Variants in MYOM1 observed in about 807,000 individuals in gnomAD.
MYOM1 encodes myomesin 1, also known as myomesin-1.
Under a neutral mutation model 205.3 loss-of-function variants are expected in MYOM1, and 164 were observed. The ratio of observed to expected loss-of-function variants is 0.80; its 90% CI spans 0.70 to 0.91. MYOM1 has a LOEUF of 0.91. Among genes scored for constraint, MYOM1 ranks in the 40% least tolerant of loss-of-function variants. The probability of loss-of-function intolerance (pLI) is 0.00; values close to 1 mark genes in which losing one functional copy is unlikely to be tolerated. For missense variants in MYOM1, 2,011 were observed against 2,127.3 expected, an observed-to-expected ratio of 0.95 and a Z score of 1.08; for synonymous variants, 772 against 789.4, an observed-to-expected ratio of 0.98 and a Z score of 0.37.
intron 23 of MYOM1, among the ~76,000 whole-genome samples, chr18:3,102,240 G>A (rs921417863): frequency 1.3e-5 from 2 of 151,842 alleles, no homozygotes; most frequent in African/African-American, 4.8e-5. Context: ...TCCTGACCTC[G>A]TGATCCACCT....
At chr18:3,172,241 A>G (rs2080568490) in intron 8 of MYOM1, among the ~76,000 whole-genome samples, 1 of 152,212 alleles carries the variant, frequency 6.6e-6, no homozygotes, top group South Asian at 2.1e-4. Context: ...TTAACCAAAT[A>G]TGTGAATATA....
At chr18:3,144,702 C>A (rs2080100239) in intron 13 of MYOM1, among the ~76,000 whole-genome samples, 1 of 151,892 alleles carries the variant, frequency 6.6e-6, no homozygotes, top group Non-Finnish European at 1.5e-5. Context: ...AAGTAGATTT[C>A]CAAGCAAAAA....
chr18:3,242,831 A>C, the MYOM1 span, among the ~76,000 whole-genome samples: 1 of 152,344 alleles, frequency 6.6e-6, no homozygotes, highest in African/African-American at 2.4e-5. Context: ...TTATCAGCAG[A>C]ATGAAAACAG....
intron 36 of MYOM1, among the ~76,000 whole-genome samples, chr18:3,074,843 C>T (rs1314452245): frequency 1.3e-5 from 2 of 152,112 alleles, no homozygotes; most frequent in Non-Finnish European, 2.9e-5. Context: ...CGGAGTCTTG[C>T]TCTGTTGCCC....
chr18:3,220,464 T>G (rs2081318801), upstream of MYOM1, among the ~76,000 whole-genome samples: 1 of 152,224 alleles, frequency 6.6e-6, no homozygotes, highest in Non-Finnish European at 1.5e-5. Context: ...TCAGGAAAAT[T>G]TACAAGGTTA....
At chr18:3,204,519 G>C (rs1026886390) in intron 2 of MYOM1, among the ~76,000 whole-genome samples, 1 of 151,856 alleles carries the variant, frequency 6.6e-6, no homozygotes, top group Non-Finnish European at 1.5e-5. Flanking sequence ...CTTTAACAAA[G>C]AAGTATAACA....
At position 3,154,949 on chromosome 18, in the gene MYOM1, A is replaced by T. The variant is rs1360672568; in HGVS notation, c.1641T>A (p.Asp547Glu). The change falls in exon 11 of 38, where the codon GAT becomes GAA. Residue 547 changes from aspartate to glutamate, a missense_variant and splice_region_variant. Asp to Glu is a conservative substitution (Grantham distance 45). Transcript: ENST00000356443. ...GGSPILGYFI[D>E]KCEVGTDSWS... is the part of the protein sequence containing the mutation. The stretch of plus-strand genomic sequence containing the variant: ...TTGATGTTAGCCTAAGCACTAACTT[A>T]TCAATAAAATATCCGAGAATAGGAC... 1 of 1,610,352 alleles carries T rather than the reference A, an allele frequency of 6.2e-7. No individual in the cohort carries two copies. Among genetic ancestry groups the T allele is most frequent in the South Asian group, 1.1e-5 (1 of 90,130 alleles).
At chr18:3,226,891 AG>A in the MYOM1 span, among the ~76,000 whole-genome samples, 1 of 152,250 alleles carries the variant, frequency 6.6e-6, no homozygotes, top group Non-Finnish European at 1.5e-5. This position sits in a 1 kb window ranked among gnomAD's most constrained non-coding sequence, Gnocchi z 4.6. Context: ...CAGTGTGGCC[AG>A]GGATCAGCTG....
chr18:3,117,469 A>T (rs1365582347), intron 20 of MYOM1, among the ~76,000 whole-genome samples: 1 of 50,064 alleles, frequency 2.0e-5, no homozygotes, highest in Non-Finnish European at 5.7e-5. Context: ...CCTCTTCCTT[A>T]AGACAATTAA....
chr18:3,073,162 C>T (rs905454236), intron 36 of MYOM1, among the ~76,000 whole-genome samples: 10 of 151,928 alleles, frequency 6.6e-5, no homozygotes, highest in Admixed American at 1.3e-4. Flanking sequence ...TCTTGTCTCC[C>T]GGTAGTTCTT....
intron 5 of MYOM1, among the ~76,000 whole-genome samples, chr18:3,183,681 AT>A (rs1455654862): frequency 6.6e-6 from 1 of 152,208 alleles, no homozygotes; most frequent in Non-Finnish European, 1.5e-5. Context: ...CAGGAAGGGC[AT>A]TCTCAATATT....
At position 3,087,609 on chromosome 18, in the gene MYOM1, C is replaced by T. The variant is rs544307071; in HGVS notation, c.4138-1458G>A. Among the ~76,000 whole-genome samples, 392 of 151,678 alleles carry T rather than the reference C, an allele frequency of 2.6e-3. 2 individuals carry two copies. Among genetic ancestry groups the T allele is most frequent in the African/African-American group, 9.1e-3 (377 of 41,310 alleles). ...GGTTCAAGTGATTCTCCTGCCTCAG[C>T]CTGCCAACTAGCTGGAACCACAGGT... On this transcript the variant is annotated intron_variant, in intron 29 of 37. Transcript: ENST00000356443.
At chr18:3,115,342 C>T (rs1023833888) in intron 21 of MYOM1, among the ~76,000 whole-genome samples, 11 of 152,204 alleles carry the variant, frequency 7.2e-5, no homozygotes, top group Non-Finnish European at 7.4e-5. Flanking sequence ...GGCTGTATCT[C>T]CTGGAGGATA....
intron 11 of MYOM1, among the ~76,000 whole-genome samples, chr18:3,153,408 C>A (rs540384054): frequency 6.6e-6 from 1 of 152,058 alleles, no homozygotes; most frequent in Non-Finnish European, 1.5e-5. Flanking sequence ...TTAATATATG[C>A]GAAGTGTTTA....
intron 22 of MYOM1, among the ~76,000 whole-genome samples, chr18:3,110,438 G>A (rs1362125152): frequency 6.6e-6 from 1 of 152,142 alleles, no homozygotes; most frequent in East Asian, 1.9e-4. Flanking sequence ...ACCAGGGCAG[G>A]CAGTACAAGA....
Position 3,085,114 on chromosome 18 carries a change from C to T in MYOM1, c.4270G>A (p.Gly1424Arg), listed in dbSNP as rs376646252. 107 of 1,607,936 alleles carry T rather than the reference C, an allele frequency of 6.7e-5. No individual in the cohort carries two copies. Among genetic ancestry groups the T allele is most frequent in the Non-Finnish European group, 9.0e-5 (106 of 1,177,086 alleles). Residue 1424 changes from glycine (G) to arginine (R), a missense_variant, in exon 31 of 38, where the codon GGG (glycine) becomes AGG (arginine). By Grantham distance (125) the Gly-to-Arg change is moderately radical (BLOSUM62 -2). Coordinates refer to ENST00000356443, the MANE Select transcript of MYOM1 (RefSeq NM_003803.4). ...TCTTTCAGGATAACTTCATAAATCC[C>T]AGCATCTTTCTTGGAAAACTAAGGG... ...LITEFSKKDA[G>R]IYEVILKDDR... is the part of the protein sequence containing the mutation.
At chr18:3,153,557 G>A (rs1017752279) in intron 11 of MYOM1, among the ~76,000 whole-genome samples, 9 of 152,028 alleles carry the variant, frequency 5.9e-5, no homozygotes, top group Non-Finnish European at 8.8e-5. Flanking sequence ...AAAATCCCCT[G>A]GAAATGTGCC....
Position 3,091,955 on chromosome 18 carries a change from G to A in MYOM1, c.3865-1153C>T, listed in dbSNP as rs573160766. ...CCATGATGGCCAGGCTGGTCTTGAA[G>A]TCCTGACCTCAAGTGATCTGCCCAC... On this transcript the variant is annotated intron_variant, in intron 26 of 37. Transcript: ENST00000356443. 1.2e-3 allele frequency among the ~76,000 whole-genome samples: 176 copies of A among 152,098 alleles called. 2 individuals are homozygous for A. The highest frequency in any genetic ancestry group is 3.7e-3 in the African/African-American group (155 of 41,518).
intron 8 of MYOM1, among the ~76,000 whole-genome samples, chr18:3,171,629 G>C (rs1229666025): frequency 3.3e-5 from 5 of 151,996 alleles, no homozygotes; most frequent in Admixed American, 3.3e-4. Context: ...GCAAGTCTGT[G>C]GGGCAAATCT....
Sources: allele counts gnomAD v4.1 joint callset (sites outside exome capture counted in the v4.1 genomes callset), GRCh38; gene constraint gnomAD v4.1.1; non-coding constraint Gnocchi (gnomAD v3.1); transcripts MANE v1.5; gene names NCBI Gene and HGNC (gene_info 2026-07-23, HGNC 2026-07-21).